The following GABRB2 variants were observed in gnomAD, a reference collection of about 807,000 sequenced individuals.
GABRB2 encodes the protein gamma-aminobutyric acid type A receptor subunit beta2, also known as gamma-aminobutyric acid receptor subunit beta-2.
Under a neutral mutation model 54.7 loss-of-function variants are expected in GABRB2, and 16 were observed. The ratio of observed to expected loss-of-function variants is 0.29; its 90% CI spans 0.20 to 0.44. The LOEUF is 0.44. Ranked by LOEUF, GABRB2 falls within the 20% of genes least tolerant of loss-of-function variation. The probability of loss-of-function intolerance (pLI) is 1.00; values close to 1 mark genes in which losing one functional copy is unlikely to be tolerated. For synonymous variants in GABRB2, 244 were observed against 233.8 expected (o/e 1.04, Z -0.40); for missense variants, 355 against 644.0 (o/e 0.55, Z 4.86).
intron 5 of GABRB2, among the ~76,000 whole-genome samples, chr5:161,376,893 G>T (rs1232444046): frequency 2.0e-5 from 3 of 151,926 alleles, no homozygotes; most frequent in Admixed American, 1.3e-4. Context: ...GGTAGCTTGG[G>T]TATATATAAC....
intron 3 of GABRB2, among the ~76,000 whole-genome samples, chr5:161,460,606 A>ACTC (rs1758095410): frequency 6.6e-6 from 1 of 152,214 alleles, no homozygotes; most frequent in Middle Eastern, 3.2e-3. Flanking sequence ...TACTAAAAAA[A>ACTC]TTAACTAGCA....
intron 3 of GABRB2, among the ~76,000 whole-genome samples, chr5:161,496,334 A>C (rs1219244754): frequency 1.3e-5 from 2 of 152,080 alleles, no homozygotes; most frequent in Non-Finnish European, 2.9e-5. Context: ...ATTTTGATTC[A>C]TTTTTTAATT....
At chr5:161,308,102 C>T (rs1357136309) in intron 9 of GABRB2, among the ~76,000 whole-genome samples, 1 of 152,090 alleles carries the variant, frequency 6.6e-6, no homozygotes, top group Non-Finnish European at 1.5e-5. Flanking sequence ...ACCTCGTGAT[C>T]TGCCCGCCTC....
chr5:161,433,487 G>A (rs1005621449), intron 4 of GABRB2, among the ~76,000 whole-genome samples: 9 of 151,562 alleles, frequency 5.9e-5, no homozygotes, highest in Non-Finnish European at 1.3e-4. Context: ...GTGCTTGCCT[G>A]TAGTCCCAGC....
chr5:161,426,746 T>C (rs1255698464), intron 4 of GABRB2, among the ~76,000 whole-genome samples: 2 of 152,056 alleles, frequency 1.3e-5, no homozygotes, highest in African/African-American at 4.8e-5. Context: ...GTATAAATAC[T>C]CATGTTGGAA....
chr5:161,490,585 A>G (rs1325928651), intron 3 of GABRB2, among the ~76,000 whole-genome samples: 1 of 151,732 alleles, frequency 6.6e-6, no homozygotes. Context: ...ATCCAGAATC[A>G]TTACTGTCTA....
At chr5:161,427,627 T>C (rs1326085152) in intron 4 of GABRB2, among the ~76,000 whole-genome samples, 1 of 152,166 alleles carries the variant, frequency 6.6e-6, no homozygotes, top group Admixed American at 6.6e-5. Context: ...TTGTAATGAA[T>C]TTTAGCTTAA....
chr5:161,414,636 G>A (rs1255131233), intron 4 of GABRB2, among the ~76,000 whole-genome samples: 3 of 152,032 alleles, frequency 2.0e-5, no homozygotes, highest in Non-Finnish European at 4.4e-5. Flanking sequence ...TTCCAGGTGT[G>A]TTATGAGATC....
At chr5:161,373,774 C>T (rs902629035) in intron 5 of GABRB2, among the ~76,000 whole-genome samples, 1 of 152,162 alleles carries the variant, frequency 6.6e-6, no homozygotes, top group African/African-American at 2.4e-5. Context: ...TGGTCCAACT[C>T]ATCAGTAAGC....
At chr5:161,507,472 T>C (rs887754652) in intron 3 of GABRB2, among the ~76,000 whole-genome samples, 5 of 152,016 alleles carry the variant, frequency 3.3e-5, no homozygotes, top group African/African-American at 9.7e-5. Flanking sequence ...TAAAATTATT[T>C]TGAAATAAAA....
At chr5:161,410,860 T>A in intron 5 of GABRB2, 115 bp downstream of exon 5, 1 of 685,268 alleles carries the variant, frequency 1.5e-6, no homozygotes. Context: ...CAAATTTAGT[T>A]GGGCTAGCAG....
intron 5 of GABRB2, among the ~76,000 whole-genome samples, chr5:161,372,217 T>C (rs1325456819): frequency 1.3e-5 from 2 of 152,156 alleles, no homozygotes; most frequent in Non-Finnish European, 2.9e-5. Context: ...TTTTATATAA[T>C]TGAACTTGCA....
rs748615087 is a variant in GABRB2 at position 161,304,249 on chromosome 5, CTAAGGGT to C, written c.1192-9828_1192-9822del. 2.1e-4 allele frequency among the ~76,000 whole-genome samples: 32 copies of C among 152,322 alleles called. 1 individual carries two copies. Among genetic ancestry groups the C allele is most frequent in the South Asian group, 1.7e-3 (8 of 4,826 alleles). On this transcript the variant is annotated intron_variant, in intron 9 of 9. Transcript: ENST00000393959. ...ATAGTGGCCCAAATCACATCTTGGT[CTAAGGGT>C]TTAGCCCACAGGCTGCTGCATCAAA...
chr5:161,532,196 G>C (rs909080605), intron 3 of GABRB2, among the ~76,000 whole-genome samples: 4 of 151,910 alleles, frequency 2.6e-5, no homozygotes. Flanking sequence ...ACACACCCTA[G>C]GTAAATAAGC....
intron 3 of GABRB2, among the ~76,000 whole-genome samples, chr5:161,481,408 C>T (rs927996131): frequency 6.6e-6 from 1 of 151,988 alleles, no homozygotes; most frequent in Non-Finnish European, 1.5e-5. Context: ...AAAGAAATTG[C>T]CGTAGACAGA....
intron 8 of GABRB2, 132 bp downstream of exon 8, chr5:161,330,751 T>G: frequency 7.9e-7 from 1 of 1,266,710 alleles, no homozygotes. Flanking sequence ...ATTGTTTGTG[T>G]GCTTTGGGGA....
chr5:161,459,658 G>A lies in GABRB2; in HGVS notation c.424C>T (p.Leu142=). 2 of 1,614,164 alleles carry A rather than the reference G, an allele frequency of 1.2e-6. No individual in the cohort carries two copies. Among genetic ancestry groups the A allele is most frequent in the African/African-American group, 1.3e-5 (1 of 75,052 alleles). The change falls in exon 4 of 10, where the codon CTG becomes TTG. Residue 142 remains leucine (L), a synonymous_variant. Coordinates refer to ENST00000393959, the MANE Select transcript of GABRB2 (RefSeq NM_001371727.1). ...GVTVKNRMIR[L]HPDGTVLYGL... ...TAAAGGACGGTGCCATCAGGATGCA[G>A]GCGAATCATGCGGTTCTTAACAGTC...
intron 5 of GABRB2, among the ~76,000 whole-genome samples, chr5:161,398,486 A>C (rs1471956436): frequency 6.6e-6 from 1 of 152,130 alleles, no homozygotes; most frequent in Non-Finnish European, 1.5e-5. Flanking sequence ...ACAATGCCCA[A>C]ATGTACAGGG....
chr5:161,460,984 G>A (rs1002233913), intron 3 of GABRB2, among the ~76,000 whole-genome samples: 2 of 152,116 alleles, frequency 1.3e-5, no homozygotes, highest in Non-Finnish European at 2.9e-5. Context: ...AAGATAAATA[G>A]ACAGGCTTGA....
Sources: allele counts gnomAD v4.1 joint callset (sites outside exome capture counted in the v4.1 genomes callset), GRCh38; gene constraint gnomAD v4.1.1; transcripts MANE v1.5; gene names NCBI Gene and HGNC (gene_info 2026-07-23, HGNC 2026-07-21).